ETNK2: variants seen among roughly 807,000 people sequenced by gnomAD.
ETNK2 encodes ethanolamine kinase 2, also known as ethanolamine kinase-like protein.
Under a neutral mutation model 46.2 loss-of-function variants are expected in ETNK2, and 33 were observed. The observed-to-expected ratio is 0.71, with a 90% CI of 0.54 to 0.96. The LOEUF is 0.96. ETNK2 is among the 40% of genes least tolerant of loss of function. ETNK2 has a pLI of 0.00. For synonymous variants in ETNK2, 194 were observed against 209.0 expected, an observed-to-expected ratio of 0.93 and a Z score of 0.62; for missense variants, 445 against 509.7, an observed-to-expected ratio of 0.87 and a Z score of 1.22.
intron 1 of ETNK2, 114 bp from the exon 2 acceptor site, chr1:204,150,076 C>G: frequency 1.7e-6 from 2 of 1,165,648 alleles, no homozygotes; most frequent in Non-Finnish European, 2.4e-6. Context: ...CCGAGCACAA[C>G]CACCCCAAGC....
chr1:204,142,708 AG>A (rs1478155688), intron 3 of ETNK2: 1 of 152,290 alleles, frequency 6.6e-6, no homozygotes, highest in Non-Finnish European at 1.5e-5. Flanking sequence ...ACCTTCCCAC[AG>A]GACAGACCGA....
intron 3 of ETNK2, among the ~76,000 whole-genome samples, chr1:204,143,849 G>T (rs1003184083): frequency 6.6e-6 from 1 of 151,808 alleles, no homozygotes; most frequent in East Asian, 1.9e-4. Context: ...CCAGTTATCC[G>T]CCCCACGTTC....
Position 204,134,525 on chromosome 1 carries a change from CAA to C in ETNK2, c.1076_1077del (p.Phe359Ter). The C allele has an allele frequency of 1.2e-6, 2 of 1,613,920 alleles. No individual in the cohort carries two copies. Among genetic ancestry groups the C allele is most frequent in the Non-Finnish European group, 1.7e-6 (2 of 1,179,864 alleles). ...CACCCCCACACTCACCTGAGGAAAT[CAA>C]AGTCGATGGTGGAGTACTGGTTCTG... ...LIQNQYSTID[F>X]DFLRYAVIRF... On this transcript the variant is annotated frameshift_variant, in exon 7 of 8. Coordinates refer to ENST00000367202, the MANE Select transcript of ETNK2 (RefSeq NM_018208.4). LOFTEE classifies it high-confidence loss of function.
intron 1 of ETNK2, chr1:204,150,937 G>C (rs1183727799): frequency 6.6e-6 from 1 of 152,624 alleles, no homozygotes; most frequent in Non-Finnish European, 1.5e-5. Flanking sequence ...AGCCCACAGC[G>C]GGGCTGGAGG....
At chr1:204,139,712 G>A (rs1412470180) in intron 5 of ETNK2, among the ~76,000 whole-genome samples, 1 of 152,102 alleles carries the variant, frequency 6.6e-6, no homozygotes, top group Non-Finnish European at 1.5e-5. Context: ...ATGCACCATC[G>A]GGTGATTTTG....
At chr1:204,138,225 T>C (rs1451670809) in intron 5 of ETNK2, among the ~76,000 whole-genome samples, 1 of 152,096 alleles carries the variant, frequency 6.6e-6, no homozygotes, top group Admixed American at 6.5e-5. Flanking sequence ...CATCTCCCAA[T>C]GCCCAGAACT....
chr1:204,144,448 A>C (rs1329438509), intron 3 of ETNK2, among the ~76,000 whole-genome samples: 1 of 151,258 alleles, frequency 6.6e-6, no homozygotes, highest in Non-Finnish European at 1.5e-5. Context: ...TTATGCTCAA[A>C]GTTTGGGAAT....
chr1:204,136,099 T>C (rs878656), intron 6 of ETNK2, among the ~76,000 whole-genome samples: 115,763 of 151,512 alleles, frequency 0.76, 46,183 homozygotes, highest in East Asian at 0.93. Context: ...TATATGTATA[T>C]ACACACACAC....
chr1:204,144,073 A>G (rs1217726341), intron 3 of ETNK2, among the ~76,000 whole-genome samples: 3 of 152,066 alleles, frequency 2.0e-5, no homozygotes, highest in Admixed American at 2.0e-4. Flanking sequence ...GGCCGGGCGC[A>G]GTGGCTTACA....
intron 3 of ETNK2, among the ~76,000 whole-genome samples, chr1:204,145,330 G>T (rs1205488086): frequency 6.6e-6 from 1 of 152,242 alleles, no homozygotes; most frequent in African/African-American, 2.4e-5. Context: ...GCAGTATCAA[G>T]GATTATGTCT....
chr1:204,134,634 T>C, intron 6 of ETNK2, 46 bp from the exon 7 acceptor site: 2 of 1,613,998 alleles, frequency 1.2e-6, no homozygotes, highest in Non-Finnish European at 1.7e-6. Flanking sequence ...TCCCCATGCC[T>C]GTTTCCGACT....
At chr1:204,147,360 T>G in intron 2 of ETNK2, 7 of 503,516 alleles carry the variant, frequency 1.4e-5, no homozygotes, top group South Asian at 8.8e-5. Context: ...GCCAGCGTTC[T>G]ATTTTCAAGT....
chr1:204,132,128 G>T lies in ETNK2; in HGVS notation c.*56C>A. 7.3e-7 allele frequency: 1 copy of T among 1,370,576 alleles called. No homozygotes were observed. 84.9% of individuals were successfully genotyped at this position (1,370,576 alleles called of 1,614,324 possible). On this transcript the variant is annotated 3_prime_UTR_variant, in exon 8 of 8. Transcript: ENST00000367202. ...TGTGGATCCCAGAGTGCAGAATTGAGCTCTGGAGAACAGGTCTGGCCAGAC... is the reference window on the plus strand; with the variant it reads ...TGTGGATCCCAGAGTGCAGAATTGATCTCTGGAGAACAGGTCTGGCCAGAC...
intron 7 of ETNK2, among the ~76,000 whole-genome samples, chr1:204,133,047 T>C (rs577566428): frequency 6.6e-6 from 1 of 152,314 alleles, no homozygotes; most frequent in African/African-American, 2.4e-5. Context: ...TTTAGCGTAA[T>C]GTCCTCAAGA....
In ETNK2 at chr1:204,139,756, G is replaced by A. The variant is rs183885239; in HGVS notation, c.868+279C>T. 5.3e-5 allele frequency among the ~76,000 whole-genome samples: 8 copies of A among 152,294 alleles called. No individual in the cohort carries two copies. In the East Asian group the frequency reaches 1.5e-3, roughly 29 times the overall value. On this transcript the variant is annotated intron_variant, in intron 5 of 7. Coordinates refer to ENST00000367202, the MANE Select transcript of ETNK2 (RefSeq NM_018208.4). ...TCAGTGTACTTACACAAACCTAGAT[G>A]GGATAGCCTACTACACACCTAGGCT...
chr1:204,148,813 G>A (rs559164434), intron 2 of ETNK2, among the ~76,000 whole-genome samples: 5 of 152,184 alleles, frequency 3.3e-5, no homozygotes, highest in African/African-American at 9.7e-5. Flanking sequence ...TTTCCCCTCA[G>A]TATGCAAGCC....
At chr1:204,132,979 A>G (rs938430034) in intron 7 of ETNK2, among the ~76,000 whole-genome samples, 3 of 151,934 alleles carry the variant, frequency 2.0e-5, no homozygotes, top group Non-Finnish European at 2.9e-5. Context: ...GTTTCTATGG[A>G]TTTGACTACT....
In ETNK2 at chr1:204,132,193, C is replaced by A; in HGVS notation, c.1152G>T (p.Met384Ile). 1 of 1,571,864 alleles carries A rather than the reference C, an allele frequency of 6.4e-7. No homozygotes were observed. Among genetic ancestry groups the A allele is most frequent in the Non-Finnish European group, 8.6e-7 (1 of 1,158,216 alleles). Residue 384 changes from methionine (M) to isoleucine (I), a missense_variant, in exon 8 of 8, where the codon ATG (methionine) becomes ATT (isoleucine). Physicochemically the swap from Met to Ile is conservative, Grantham distance 10. Coordinates refer to ENST00000367202, the MANE Select transcript of ETNK2 (RefSeq NM_018208.4). ...GGGATGGGGTGGCTGGTCACTTTGG[C>A]ATCTCCAAGGCTGACGCTTGAGGCT... ...KVKPQASALE[M>I]PK
chr1:204,146,722 G>C lies in ETNK2; in HGVS notation c.561C>G (p.Ala187=). 6.2e-7 allele frequency: 1 copy of C among 1,614,056 alleles called. No homozygotes were observed. The highest frequency in any genetic ancestry group is 8.5e-7 in the Non-Finnish European group (1 of 1,179,906). The part of the protein sequence containing the change: ...LEMAKIHTIH[A]NGSLPKPILW... Reference sequence around the variant, plus strand: ...GGATGGGCTTGGGCAGGCTGCCGTTGGCGTGGATAGTATGAATCTTTGCCA... The same window carrying C: ...GGATGGGCTTGGGCAGGCTGCCGTTCGCGTGGATAGTATGAATCTTTGCCA... Residue 187 remains alanine (A), a synonymous_variant, in exon 3 of 8, where the codon GCC becomes GCG. Coordinates refer to ENST00000367202, the MANE Select transcript of ETNK2 (RefSeq NM_018208.4).
Sources: gnomAD v4.1 joint callset for allele counts (sites outside exome capture counted in the v4.1 genomes callset) on GRCh38, gnomAD v4.1.1 for gene constraint, MANE v1.5 for transcripts, NCBI Gene and HGNC (gene_info 2026-07-23, HGNC 2026-07-21) for gene names.